Variants in LRRC4C observed in about 807,000 individuals in gnomAD.
LRRC4C encodes leucine rich repeat containing 4C.
LRRC4C carries 5 observed loss-of-function variants against 33.6 expected under a neutral mutation model. The ratio of observed to expected loss-of-function variants is 0.15; its 90% CI spans 0.08 to 0.31. LRRC4C has a LOEUF of 0.31. Ranked by LOEUF, LRRC4C falls within the 10% of genes least tolerant of loss-of-function variation. The pLI, the probability that LRRC4C is intolerant of heterozygous loss-of-function variation, is 1.00. For missense variants in LRRC4C, 560 were observed against 796.7 expected, an observed-to-expected ratio of 0.70 and a Z score of 3.58; for synonymous variants, 329 against 302.0, an observed-to-expected ratio of 1.09 and a Z score of -0.93.
Position 40,910,857 on chromosome 11 carries a change from G to A in LRRC4C, c.-407+22778C>T, listed in dbSNP as rs143568649. ...CAGGTCACTCCCACCCTAATACTGC[G>A]CTTTTCCAATGGTCTTAGCAAACGG... On this transcript the variant is annotated intron_variant, in intron 2 of 6. Coordinates refer to ENST00000528697, the MANE Select transcript of LRRC4C (RefSeq NM_001258419.2). 4.1e-3 allele frequency among the ~76,000 whole-genome samples: 631 copies of A among 152,326 alleles called. 7 individuals are homozygous for A. Among genetic ancestry groups the A allele is most frequent in the African/African-American group, 0.014 (595 of 41,588 alleles).
rs1356352826 is a variant in LRRC4C, at chr11:40,867,686, C to CAGT, written c.-407+65948_-407+65949insACT. 2.2e-3 allele frequency among the ~76,000 whole-genome samples: 334 copies of CAGT among 152,256 alleles called. 3 individuals are homozygous for CAGT. The highest frequency in any genetic ancestry group is 7.6e-3 in the African/African-American group (314 of 41,540). ...CTGGGACTGAGATTTTATTCAGGGCCTTCCGTCAATATACTTATGATGCTA... is the reference window on the plus strand; with the variant it reads ...CTGGGACTGAGATTTTATTCAGGGCCAGTTTCCGTCAATATACTTATGATGCTA... On this transcript the variant is annotated intron_variant, in intron 2 of 6. Transcript: ENST00000528697.
chr11:40,394,875 C>G (rs182303929), intron 3 of LRRC4C, among the ~76,000 whole-genome samples: 1 of 152,126 alleles, frequency 6.6e-6, no homozygotes. Context: ...TAATTTCCTA[C>G]TGTATCTATT....
At chr11:41,001,984 C>T (rs193288968) in intron 1 of LRRC4C, among the ~76,000 whole-genome samples, 239 of 152,128 alleles carry the variant, frequency 1.6e-3, no homozygotes, top group Admixed American at 3.1e-3. Flanking sequence ...AGGCAACTGC[C>T]TAGATTTATT....
chr11:40,736,972 A>G (rs182117776), intron 2 of LRRC4C, among the ~76,000 whole-genome samples: 4 of 149,612 alleles, frequency 2.7e-5, no homozygotes, highest in African/African-American at 7.4e-5. Context: ...ATGATAGTTT[A>G]TTTTCCTGTA....
At chr11:40,554,805 T>C (rs1957269617) in intron 3 of LRRC4C, among the ~76,000 whole-genome samples, 2 of 129,962 alleles carry the variant, frequency 1.5e-5, no homozygotes, top group South Asian at 4.8e-4. Context: ...CACTGCAAGC[T>C]CCGCCTCCCG....
At chr11:40,769,488 G>A (rs1181889973) in intron 2 of LRRC4C, among the ~76,000 whole-genome samples, 1 of 151,952 alleles carries the variant, frequency 6.6e-6, no homozygotes, top group Non-Finnish European at 1.5e-5. Context: ...AATCCTAAAT[G>A]TATATGGACC....
At chr11:40,144,695 C>A (rs1172446397) in intron 5 of LRRC4C, among the ~76,000 whole-genome samples, 1 of 152,224 alleles carries the variant, frequency 6.6e-6, no homozygotes, top group South Asian at 2.1e-4. Flanking sequence ...TTTCATTTTG[C>A]AGTTAAGAAA....
intron 3 of LRRC4C, among the ~76,000 whole-genome samples, chr11:40,462,156 T>C (rs1179721013): frequency 2.0e-5 from 3 of 152,090 alleles, no homozygotes; most frequent in Admixed American, 6.6e-5. Context: ...TATAAGCCTA[T>C]GAATTCCCCA....
chr11:41,457,701 A>T (rs1050850253), intron 1 of LRRC4C, among the ~76,000 whole-genome samples: 1 of 152,134 alleles, frequency 6.6e-6, no homozygotes, highest in Non-Finnish European at 1.5e-5. Context: ...AAATATCATG[A>T]TCATAAATCA....
rs556420408 is a variant in LRRC4C at position 41,134,421 on chromosome 11, C to G, written c.-495-200698G>C. Among the ~76,000 whole-genome samples the G allele has an allele frequency of 8.5e-5, 13 of 152,290 alleles. No homozygotes were observed. In the South Asian group the frequency reaches 2.7e-3, roughly 32 times the overall value. ...TACAGGCATGTGCCACTATGCCTGG[C>G]AGAATAAACTTCTTTAAAATATAAC... On this transcript the variant is annotated intron_variant, in intron 1 of 6. Transcript: ENST00000528697.
intron 1 of LRRC4C, among the ~76,000 whole-genome samples, chr11:41,336,021 C>A (rs1459583500): frequency 6.6e-6 from 1 of 152,132 alleles, no homozygotes; most frequent in Admixed American, 6.6e-5. Context: ...TAGTCTATTT[C>A]TTATATTTGA....
At chr11:40,297,374 A>T (rs1279666481) in intron 4 of LRRC4C, among the ~76,000 whole-genome samples, 1 of 152,226 alleles carries the variant, frequency 6.6e-6, no homozygotes, top group Non-Finnish European at 1.5e-5. Context: ...ACGTAATGAC[A>T]TGTGAATTAA....
intron 2 of LRRC4C, among the ~76,000 whole-genome samples, chr11:40,721,387 C>T (rs1320548550): frequency 6.6e-6 from 1 of 152,196 alleles, no homozygotes; most frequent in East Asian, 1.9e-4. Context: ...CTGCCATCAC[C>T]TTGATCTGAG....
At chr11:41,439,280 T>G (rs941790858) in intron 1 of LRRC4C, among the ~76,000 whole-genome samples, 2 of 152,200 alleles carry the variant, frequency 1.3e-5, no homozygotes, top group Non-Finnish European at 2.9e-5. Context: ...TACCACCCAT[T>G]GATGGACATT....
At chr11:40,416,120 A>G (rs1950315701) in intron 3 of LRRC4C, among the ~76,000 whole-genome samples, 1 of 152,184 alleles carries the variant, frequency 6.6e-6, no homozygotes. Context: ...AGAGGCAGAG[A>G]AAGAGAGGGA....
At chr11:41,132,008 C>T (rs1479770200) in intron 1 of LRRC4C, among the ~76,000 whole-genome samples, 2 of 152,168 alleles carry the variant, frequency 1.3e-5, no homozygotes, top group African/African-American at 4.8e-5. Context: ...AGTTGAGCAG[C>T]CTGTGCCACT....
At chr11:41,377,745 A>G (rs1311346581) in intron 1 of LRRC4C, among the ~76,000 whole-genome samples, 2 of 152,118 alleles carry the variant, frequency 1.3e-5, no homozygotes, top group Non-Finnish European at 2.9e-5. Flanking sequence ...CGTTATGGGT[A>G]TTTTTGCCTT....
intron 3 of LRRC4C, among the ~76,000 whole-genome samples, chr11:40,595,321 T>C (rs1354764474): frequency 6.6e-6 from 1 of 152,020 alleles, no homozygotes; most frequent in African/African-American, 2.4e-5. Flanking sequence ...CTTGAAATAA[T>C]ATGAAAATAT....
At chr11:40,822,688 C>T (rs1453663415) in intron 2 of LRRC4C, among the ~76,000 whole-genome samples, 4 of 151,582 alleles carry the variant, frequency 2.6e-5, no homozygotes, top group Non-Finnish European at 5.9e-5. Context: ...AATAGAATCC[C>T]ATTTGTCTAT....
Sources: allele counts gnomAD v4.1 joint callset (sites outside exome capture counted in the v4.1 genomes callset), GRCh38; gene constraint gnomAD v4.1.1; transcripts MANE v1.5; gene names NCBI Gene and HGNC (gene_info 2026-07-23, HGNC 2026-07-21).